IL7: variants seen among roughly 807,000 people sequenced by gnomAD.
The protein encoded by IL7 is interleukin-7.
Under a neutral mutation model 21.6 loss-of-function variants are expected in IL7, and 3 were observed. The observed-to-expected ratio is 0.14, with a 90% CI of 0.06 to 0.36. The LOEUF (loss-of-function observed/expected upper bound fraction) is 0.36. Ranked by LOEUF, IL7 falls within the 10% of genes least tolerant of loss-of-function variation. The pLI is 1.00. For synonymous variants in IL7, 62 were observed against 68.1 expected, an observed-to-expected ratio of 0.91 and a Z score of 0.44; for missense variants, 175 against 200.2, an observed-to-expected ratio of 0.87 and a Z score of 0.76.
At chr8:78,721,577 G>C (rs1003170058) in intron 3 of IL7, 3 of 151,986 alleles carry the variant, frequency 2.0e-5, no homozygotes, top group Admixed American at 1.3e-4. Flanking sequence ...GTGAGGCTGG[G>C]GATAGGAGAC....
intron 2 of IL7, chr8:78,761,598 G>A (rs1812558494): frequency 3.7e-6 from 6 of 1,611,774 alleles, no homozygotes; most frequent in Non-Finnish European, 5.1e-6. Flanking sequence ...ACCAACACAG[G>A]TAGGTGCTCT....
At chr8:78,686,922 G>A (rs1035715666) in intron 3 of IL7, among the ~76,000 whole-genome samples, 3 of 151,954 alleles carry the variant, frequency 2.0e-5, no homozygotes, top group Admixed American at 6.6e-5. Context: ...TGCTCACTGC[G>A]GATTGAAATG....
chr8:78,678,818 T>A (rs1809669982), intron 4 of IL7: 1 of 493,912 alleles, frequency 2.0e-6, no homozygotes, highest in Non-Finnish European at 3.4e-6. Flanking sequence ...CAATTCTGTG[T>A]TATATGTTCA....
chr8:78,779,146 G>A (rs560022123), intron 2 of IL7, among the ~76,000 whole-genome samples: 27 of 152,290 alleles, frequency 1.8e-4, no homozygotes, highest in Non-Finnish European at 3.1e-4. Flanking sequence ...CTTTTGGGCT[G>A]AGACAATGGG....
intron 2 of IL7, among the ~76,000 whole-genome samples, chr8:78,773,875 CAGAA>C (rs1385416523): frequency 6.6e-5 from 10 of 152,036 alleles, no homozygotes; most frequent in African/African-American, 2.4e-4. Context: ...GCAGAAAAAT[CAGAA>C]GGAAGGCTGT....
intron 3 of IL7, among the ~76,000 whole-genome samples, chr8:78,699,733 T>C (rs1810539747): frequency 6.6e-6 from 1 of 152,146 alleles, no homozygotes; most frequent in African/African-American, 2.4e-5. Context: ...GGTTTTCTGT[T>C]CCTGTGTTAG....
intron 2 of IL7, among the ~76,000 whole-genome samples, chr8:78,744,950 C>T (rs1025169340): frequency 1.3e-5 from 2 of 152,142 alleles, no homozygotes; most frequent in African/African-American, 4.8e-5. Context: ...GGCTGTCGTC[C>T]TGCCTTTGTT....
intron 2 of IL7, among the ~76,000 whole-genome samples, chr8:78,767,991 A>G (rs902873768): frequency 6.6e-6 from 1 of 151,862 alleles, no homozygotes; most frequent in Non-Finnish European, 1.5e-5. Context: ...TCATTGTTCA[A>G]TTCCCACCTA....
rs1374588155 is a variant in IL7 at position 78,741,922 on chromosome 8, G to T, written c.148-1840C>A. 2.0e-5 allele frequency among the ~76,000 whole-genome samples: 3 copies of T among 152,170 alleles called. No homozygotes were observed. The East Asian group carries it at 5.8e-4, about 29-fold the overall frequency. On this transcript the variant is annotated intron_variant, in intron 2 of 5. Coordinates refer to ENST00000263851, the MANE Select transcript of IL7 (RefSeq NM_000880.4). The stretch of plus-strand genomic sequence containing the variant: ...ATACATGGTGTTGAAAAGAAACTTA[G>T]ATGGCCATCTTTTGATTTAACAAAG...
At chr8:78,690,368 G>T (rs1404620906) in intron 3 of IL7, among the ~76,000 whole-genome samples, 1 of 152,092 alleles carries the variant, frequency 6.6e-6, no homozygotes, top group African/African-American at 2.4e-5. Flanking sequence ...AGACCATCCT[G>T]GCTAACACGG....
At position 78,697,523 on chromosome 8, in the gene IL7, A is replaced by G. The variant is rs376457456; in HGVS notation, n.215-11576T>C. On this transcript the variant is annotated intron_variant and non_coding_transcript_variant, in intron 3 of 4. Coordinates refer to the IL7 transcript ENST00000523959. ...CTGTTGTAGGTAATGATAGCCGAAA[A>G]GCAACTTGATTTGTTTTTGAAACCA... 2.4e-5 allele frequency: 39 copies of G among 1,593,706 alleles called. No homozygotes were observed. In the African/African-American group the frequency reaches 5.3e-4, roughly 22 times the overall value.
intron 2 of IL7, among the ~76,000 whole-genome samples, chr8:78,775,549 T>G (rs16906088): frequency 0.011 from 1,700 of 152,250 alleles, 17 homozygotes; most frequent in South Asian, 0.031. Context: ...ATCAAAATTC[T>G]AATTGGAAAA....
At chr8:78,762,180 G>C (rs1298122512) in intron 2 of IL7, 13 of 1,593,120 alleles carry the variant, frequency 8.2e-6, no homozygotes, top group Non-Finnish European at 6.0e-6. Context: ...AATATTGTTG[G>C]TATTGCATTA....
intron 4 of IL7, among the ~76,000 whole-genome samples, chr8:78,676,698 C>T (rs911167982): frequency 2.6e-5 from 4 of 152,054 alleles, no homozygotes; most frequent in Non-Finnish European, 5.9e-5. Flanking sequence ...TGACTGTAGG[C>T]ACCTTTTAAA....
At chr8:78,788,368 T>C (rs1432671101) in intron 2 of IL7, among the ~76,000 whole-genome samples, 1 of 152,146 alleles carries the variant, frequency 6.6e-6, no homozygotes, top group African/African-American at 2.4e-5. Flanking sequence ...TTCTTTTCTT[T>C]CTATGCATTT....
intron 3 of IL7, chr8:78,686,604 T>C: frequency 1.3e-6 from 2 of 1,495,334 alleles, no homozygotes; most frequent in South Asian, 2.9e-5. Flanking sequence ...CTTCTTATGA[T>C]CCTGGTATTT....
At chr8:78,707,845 C>CT (rs1304058241) in intron 3 of IL7, among the ~76,000 whole-genome samples, 2 of 84,330 alleles carry the variant, frequency 2.4e-5, no homozygotes, top group Non-Finnish European at 5.1e-5. Context: ...GAGTTCCTTC[C>CT]TTTTTTTTTC....
chr8:78,689,059 A>G (rs1335683050), intron 3 of IL7, among the ~76,000 whole-genome samples: 1 of 149,200 alleles, frequency 6.7e-6, no homozygotes, highest in Non-Finnish European at 1.5e-5. Context: ...ACTCTTTACT[A>G]AGTTTAGACA....
chr8:78,693,109 A>G (rs1810268514), intron 3 of IL7, among the ~76,000 whole-genome samples: 1 of 151,724 alleles, frequency 6.6e-6, no homozygotes. Flanking sequence ...TATGTGCCAC[A>G]TTTTCTTAAT....
Sources: allele counts gnomAD v4.1 joint callset (sites outside exome capture counted in the v4.1 genomes callset), GRCh38; gene constraint gnomAD v4.1.1; transcripts MANE v1.5; gene names NCBI Gene and HGNC (gene_info 2026-07-23, HGNC 2026-07-21).